The following DLG2 variants were observed in gnomAD, a reference collection of about 807,000 sequenced individuals.
The protein encoded by DLG2 is discs large MAGUK scaffold protein 2.
A neutral mutation model predicts 132.5 loss-of-function variants in DLG2; 45 were observed. That is an observed-to-expected ratio of 0.34 (90% CI 0.27 to 0.44). The LOEUF (loss-of-function observed/expected upper bound fraction) is 0.44, where lower values mean the gene tolerates loss of function less well. Among genes scored for constraint, DLG2 ranks in the 20% least tolerant of loss-of-function variants. DLG2 has a pLI of 1.00. For missense variants in DLG2, 1,045 were observed against 1,196.9 expected (o/e 0.87, Z 1.87); for synonymous variants, 424 against 419.6 (o/e 1.01, Z -0.13).
chr11:83,610,873 A>G (rs1159720363), intron 19 of DLG2, among the ~76,000 whole-genome samples: 1 of 152,224 alleles, frequency 6.6e-6, no homozygotes, highest in African/African-American at 2.4e-5. Flanking sequence ...TCCAGATCAC[A>G]CAACCGGTAA....
intron 6 of DLG2, among the ~76,000 whole-genome samples, chr11:84,542,244 A>G (rs1397090790): frequency 6.6e-6 from 1 of 152,202 alleles, no homozygotes; most frequent in Non-Finnish European, 1.5e-5. Flanking sequence ...CATACCTAAT[A>G]GTGAATACTA....
chr11:83,953,580 A>G (rs1251519935), intron 14 of DLG2, among the ~76,000 whole-genome samples: 1 of 152,216 alleles, frequency 6.6e-6, no homozygotes, highest in Non-Finnish European at 1.5e-5. Context: ...GACCACTGAT[A>G]TATGAGATGG....
intron 17 of DLG2, among the ~76,000 whole-genome samples, chr11:83,825,019 A>G (rs1167103321): frequency 3.3e-5 from 5 of 151,284 alleles, no homozygotes; most frequent in Non-Finnish European, 5.9e-5. Context: ...GAGTGCCCAC[A>G]GATTTTATTG....
intron 11 of DLG2, among the ~76,000 whole-genome samples, chr11:84,041,221 T>C (rs2096070506): frequency 6.6e-6 from 1 of 152,060 alleles, no homozygotes; most frequent in Admixed American, 6.6e-5. Context: ...TAGATTTTTT[T>C]GGTTCGATTT....
At chr11:85,067,308 T>C (rs959364925) in intron 6 of DLG2, among the ~76,000 whole-genome samples, 8 of 151,996 alleles carry the variant, frequency 5.3e-5, no homozygotes, top group Non-Finnish European at 8.8e-5. Flanking sequence ...CCTGGATTCA[T>C]TGATTTTTTG....
chr11:85,493,929 C>G (rs1262094087), intron 3 of DLG2, among the ~76,000 whole-genome samples: 7 of 152,086 alleles, frequency 4.6e-5, no homozygotes, highest in African/African-American at 7.2e-5. Context: ...GATGAAGGCA[C>G]CAGTAGGATT....
intron 4 of DLG2, among the ~76,000 whole-genome samples, chr11:85,157,757 C>G (rs1566948009): frequency 6.6e-6 from 1 of 152,006 alleles, no homozygotes; most frequent in Non-Finnish European, 1.5e-5. Flanking sequence ...AGTGAGGGCA[C>G]TGATTGGAAA....
chr11:84,260,818 C>A (rs1047771397), intron 7 of DLG2, among the ~76,000 whole-genome samples: 1 of 152,170 alleles, frequency 6.6e-6, no homozygotes, highest in East Asian at 1.9e-4. Context: ...CACCATTAGG[C>A]CATAATGCCT....
chr11:85,571,584 T>C (rs1214538171), intron 3 of DLG2, among the ~76,000 whole-genome samples: 1 of 152,204 alleles, frequency 6.6e-6, no homozygotes, highest in Admixed American at 6.6e-5. Flanking sequence ...CTTGCTCAGA[T>C]TAAACTTGCT....
chr11:84,406,979 G>A (rs1489941227), intron 7 of DLG2, among the ~76,000 whole-genome samples: 1 of 152,136 alleles, frequency 6.6e-6, no homozygotes, highest in East Asian at 1.9e-4. Flanking sequence ...CTTCCTAAAA[G>A]CTGTGAATTA....
At chr11:83,607,833 A>C (rs1213835222) in intron 19 of DLG2, among the ~76,000 whole-genome samples, 1 of 152,266 alleles carries the variant, frequency 6.6e-6, no homozygotes, top group Non-Finnish European at 1.5e-5. Context: ...TGGCTCTTAT[A>C]AATATCATGT....
intron 8 of DLG2, among the ~76,000 whole-genome samples, chr11:84,229,612 T>C (rs961108033): frequency 1.3e-5 from 2 of 152,200 alleles, no homozygotes; most frequent in Admixed American, 6.5e-5. Flanking sequence ...CCTCAGATCC[T>C]ACATTTTTAC....
At chr11:83,668,715 G>A (rs1566431708) in intron 18 of DLG2, among the ~76,000 whole-genome samples, 1 of 98,820 alleles carries the variant, frequency 1.0e-5, no homozygotes, top group African/African-American at 4.7e-5. Context: ...ACATATATAT[G>A]TGTATATAAA....
At chr11:84,519,036 A>AT (rs2099284158) in intron 7 of DLG2, among the ~76,000 whole-genome samples, 1 of 152,156 alleles carries the variant, frequency 6.6e-6, no homozygotes, top group African/African-American at 2.4e-5. Context: ...CCAATTCATC[A>AT]TATTTGCAGG....
chr11:83,836,285 AT>A (rs1317495830), intron 16 of DLG2, among the ~76,000 whole-genome samples: 2 of 152,196 alleles, frequency 1.3e-5, no homozygotes, highest in Non-Finnish European at 2.9e-5. Context: ...CCTCACAGAC[AT>A]ACTGAGGAAA....
chr11:84,725,563 A>C (rs984128326), intron 6 of DLG2, among the ~76,000 whole-genome samples: 1 of 152,162 alleles, frequency 6.6e-6, no homozygotes, highest in African/African-American at 2.4e-5. Context: ...TTTACAAACC[A>C]GTTGACTAGG....
At chr11:84,770,240 G>T (rs2069083793) in intron 6 of DLG2, among the ~76,000 whole-genome samples, 1 of 152,176 alleles carries the variant, frequency 6.6e-6, no homozygotes, top group Non-Finnish European at 1.5e-5. Context: ...CTCCTCAGAA[G>T]CTGAGCAGAT....
chr11:83,657,831 C>T (rs987410398), intron 18 of DLG2, among the ~76,000 whole-genome samples: 10 of 152,262 alleles, frequency 6.6e-5, no homozygotes, highest in South Asian at 2.1e-4. Flanking sequence ...TGAGCCACCG[C>T]GCCCAGCCTA....
intron 6 of DLG2, among the ~76,000 whole-genome samples, chr11:85,050,118 TCACACACACACACACACACA>T (rs33991615): frequency 9.5e-5 from 13 of 136,824 alleles, no homozygotes; most frequent in Non-Finnish European, 1.7e-4. Context: ...CACTGTGTCA[TCACACACACACACACACACA>T]CACACACACA....
Sources: gnomAD v4.1 joint callset for allele counts (sites outside exome capture counted in the v4.1 genomes callset) on GRCh38, gnomAD v4.1.1 for gene constraint, MANE v1.5 for transcripts, NCBI Gene and HGNC (gene_info 2026-07-23, HGNC 2026-07-21) for gene names.